Variants in GBP7 observed in about 807,000 individuals in gnomAD.
GBP7 encodes guanylate binding protein 7.
GBP7 carries 43 observed loss-of-function variants against 61.3 expected under a neutral mutation model. That is an observed-to-expected ratio of 0.70 (90% CI 0.55 to 0.91). GBP7 has a LOEUF of 0.91. Among genes scored for constraint, GBP7 ranks in the 40% least tolerant of loss-of-function variants. The pLI, the probability that GBP7 is intolerant of heterozygous loss-of-function variation, is 0.00. For missense variants in GBP7, 717 were observed against 740.5 expected, an observed-to-expected ratio of 0.97 and a Z score of 0.37; for synonymous variants, 267 against 271.0, an observed-to-expected ratio of 0.99 and a Z score of 0.14.
At position 89,175,932 on chromosome 1, in the gene GBP7, A is replaced by T. The variant is rs1647725657; in HGVS notation, c.-31T>A. On this transcript the variant is annotated 5_prime_UTR_variant, in exon 1 of 11. Transcript: ENST00000294671. ...AGTCATAGTCTTACCCAGAGTAGAG[A>T]TCCTCTGGACTTGGTAAGAAGGCAG... 1 of 152,206 alleles carries T rather than the reference A, an allele frequency of 6.6e-6. No homozygotes were observed. The allele number at this position is 152,206 out of a possible 1,614,324, so 9.4% of individuals were successfully genotyped here. A position where few individuals can be genotyped will look rare whatever the true frequency, so the allele number is the denominator to read the frequency against.
rs148758371 is a variant in GBP7 at position 89,171,793 on chromosome 1, C to T, written c.143G>A (p.Arg48His). 27 of 1,613,224 alleles carry T rather than the reference C, an allele frequency of 1.7e-5. No individual in the cohort carries two copies. Among genetic ancestry groups the T allele is most frequent in the Middle Eastern group, 1.6e-4 (1 of 6,084 alleles). Residue 48 changes from arginine (R) to histidine (H), a missense_variant, in exon 2 of 11, where the codon CGC becomes CAC. Transcript: ENST00000294671. ...VVVVAIVGLY[R>H]TGKSYLMNKL... The stretch of plus-strand genomic sequence containing the variant: ...GTTCATTAGGTAGGATTTGCCTGTG[C>T]GGTAGAGGCCCACAATTGCCACCAC...
At chr1:89,147,522 C>A in intron 8 of GBP7, 45 bp downstream of exon 8, 1 of 1,497,836 alleles carries the variant, frequency 6.7e-7, no homozygotes, top group African/African-American at 1.4e-5. Flanking sequence ...CGAAGACCCT[C>A]TGACTATCCT....
intron 2 of GBP7, among the ~76,000 whole-genome samples, chr1:89,167,010 T>G (rs1557465376): frequency 6.6e-6 from 1 of 152,244 alleles, no homozygotes; most frequent in Non-Finnish European, 1.5e-5. Context: ...GCACCTATGA[T>G]TTATTATAAT....
chr1:89,147,483 C>T, intron 8 of GBP7, 84 bp downstream of exon 8: 1 of 1,031,672 alleles, frequency 9.7e-7, no homozygotes, highest in Non-Finnish European at 1.5e-6. Flanking sequence ...ATAAATGGTG[C>T]TGTGTTCTTA....
chr1:89,149,751 G>A (rs1405427509), intron 6 of GBP7, among the ~76,000 whole-genome samples, 179 bp from the exon 7 acceptor site: 1 of 151,358 alleles, frequency 6.6e-6, no homozygotes, highest in South Asian at 2.1e-4. Context: ...ACTTTCCTAC[G>A]ATAACATGAC....
chr1:89,132,358 A>G lies in GBP7; in HGVS notation c.1708T>C (p.Ser570Pro), dbSNP rs777070341. The change falls in exon 11 of 11, where the codon TCG (serine) becomes CCG (proline). Residue 570 changes from serine (S) to proline (P), a missense_variant. Transcript: ENST00000294671. ...AGTCGATTAATCTCTTCATTTAACGACTCAAATATCTCTTTAAATCCTTCA... is the reference window on the plus strand; with the variant it reads ...AGTCGATTAATCTCTTCATTTAACGGCTCAAATATCTCTTTAAATCCTTCA... Reference protein sequence around the residue: ...LTEGFKEIFESLNEEINRLKE... With the variant: ...LTEGFKEIFEPLNEEINRLKE... 12 of 1,612,224 alleles carry G rather than the reference A, an allele frequency of 7.4e-6. No individual in the cohort carries two copies. Among genetic ancestry groups the G allele is most frequent in the Non-Finnish European group, 1.7e-6 (2 of 1,178,776 alleles).
intron 3 of GBP7, among the ~76,000 whole-genome samples, chr1:89,157,446 G>A (rs1682342388): frequency 6.6e-6 from 1 of 152,002 alleles, no homozygotes; most frequent in Non-Finnish European, 1.5e-5. Context: ...CAACAAAATT[G>A]ATAGACCACT....
Position 89,133,446 on chromosome 1 carries a change from G to A in GBP7, c.1474C>T (p.Gln492Ter). 1.2e-6 allele frequency: 2 copies of A among 1,613,558 alleles called. No individual in the cohort carries two copies. The highest frequency in any genetic ancestry group is 1.7e-6 in the Non-Finnish European group (2 of 1,179,802). ...TTTTCAGCTGCCTCCTTCTTAGCCT[G>A]CTTAGCTGTTCCACCGAGGTTTTAC... ...TAGEKAIAAKQAKKEAAEKEQ... is the reference protein window; with the variant it reads ...TAGEKAIAAK The change falls in exon 10 of 11, where the codon CAG becomes TAG. Residue 492 changes from glutamine to a stop codon, truncating the protein, a stop_gained. Transcript: ENST00000294671. LOFTEE classifies it high-confidence loss of function.
chr1:89,145,525 A>G (rs994535771), intron 8 of GBP7, among the ~76,000 whole-genome samples: 2 of 152,164 alleles, frequency 1.3e-5, no homozygotes, highest in African/African-American at 4.8e-5. Flanking sequence ...TTATGCTGCA[A>G]TGAACATGGG....
intron 7 of GBP7, 24 bp downstream of exon 7, chr1:89,149,267 GA>G (rs754456593): frequency 0.018 from 19,075 of 1,046,146 alleles, 17 homozygotes; most frequent in South Asian, 0.038. Context: ...CAGGAATCAA[GA>G]AAAAAAAAAA....
chr1:89,151,841 A>G (rs895279441), intron 5 of GBP7, among the ~76,000 whole-genome samples: 4 of 152,170 alleles, frequency 2.6e-5, no homozygotes, highest in African/African-American at 9.7e-5. Flanking sequence ...AGTGAAATAT[A>G]TTTCCAAAAT....
intron 5 of GBP7, among the ~76,000 whole-genome samples, chr1:89,150,997 TTAC>T (rs1352352057): frequency 2.2e-4 from 33 of 152,334 alleles, no homozygotes; most frequent in Middle Eastern, 3.4e-3. Flanking sequence ...CATAGTGAAA[TTAC>T]TACTAAGTAA....
chr1:89,149,181 C>A, intron 7 of GBP7, 111 bp downstream of exon 7: 1 of 888,662 alleles, frequency 1.1e-6, no homozygotes, highest in East Asian at 2.7e-5. Flanking sequence ...ATAAAATAAT[C>A]CAATCTCCCT....
chr1:89,143,078 G>A (rs948118179), intron 8 of GBP7, among the ~76,000 whole-genome samples: 1 of 152,064 alleles, frequency 6.6e-6, no homozygotes, highest in African/African-American at 2.4e-5. Context: ...TTTGGTATTT[G>A]TTTTTCAATT....
Position 89,149,215 on chromosome 1 carries a change from A to G in GBP7, c.1152+77T>C, listed in dbSNP as rs576386193. On this transcript the variant is annotated intron_variant, in intron 7 of 10. Coordinates refer to ENST00000294671, the MANE Select transcript of GBP7 (RefSeq NM_207398.3). ...CTTTACTACAAGAAGGAGATGAACC[A>G]TGGCATTAAAAAGGTGGACTATAAG... 3.3e-5 allele frequency: 41 copies of G among 1,248,056 alleles called. No homozygotes were observed. In the East Asian group the frequency reaches 9.9e-4, roughly 30 times the overall value. 77.3% of individuals were successfully genotyped at this position (1,248,056 alleles called of 1,614,324 possible).
chr1:89,175,373 A>G (rs1647714255), intron 1 of GBP7, among the ~76,000 whole-genome samples: 1 of 152,234 alleles, frequency 6.6e-6, no homozygotes, highest in Non-Finnish European at 1.5e-5. Context: ...CAAGAAGGGC[A>G]AACCAGAAAC....
At chr1:89,171,643 A>G (rs12095602) in intron 2 of GBP7, 103 bp downstream of exon 2, 1 of 1,040,064 alleles carries the variant, frequency 9.6e-7, no homozygotes, top group Non-Finnish European at 1.4e-6. Flanking sequence ...AGCTATCAAT[A>G]CTTATCCCCA....
chr1:89,149,675 AC>A, intron 6 of GBP7, 103 bp from the exon 7 acceptor site: 2 of 999,122 alleles, frequency 2.0e-6, no homozygotes, highest in Non-Finnish European at 2.9e-6. Context: ...ATTCCATTTA[AC>A]ATGAATTTTC....
At chr1:89,158,901 C>G (rs148369750) in intron 3 of GBP7, among the ~76,000 whole-genome samples, 2,457 of 152,200 alleles carry the variant, frequency 0.016, 56 homozygotes, top group African/African-American at 0.055. Context: ...CCCGCATTGC[C>G]AAGAGAATCC....
Sources: allele counts gnomAD v4.1 joint callset (sites outside exome capture counted in the v4.1 genomes callset), GRCh38; gene constraint gnomAD v4.1.1; transcripts MANE v1.5; gene names NCBI Gene and HGNC (gene_info 2026-07-23, HGNC 2026-07-21).